MIAT: variants seen among roughly 807,000 people sequenced by gnomAD.
The protein encoded by MIAT is MI related novel mRNA.
At chr22:26,667,096 C>A in intron 4 of MIAT, 1 of 243,868 alleles carries the variant, frequency 4.1e-6, no homozygotes, top group South Asian at 1.8e-4. Context: ...AATGCTTGCT[C>A]TGTGTGGTCT....
downstream of MIAT, chr22:26,671,677 C>A (rs183206398): frequency 5.0e-6 from 2 of 398,612 alleles, no homozygotes; most frequent in Middle Eastern, 6.3e-4. Context: ...ATAAGACTCA[C>A]CAACTCTGCC....
At chr22:26,664,062 A>C (rs1930763791) in intron 3 of MIAT, among the ~76,000 whole-genome samples, 1 of 141,812 alleles carries the variant, frequency 7.1e-6, no homozygotes, top group Admixed American at 7.5e-5. Flanking sequence ...TTTGGGCTGC[A>C]GTGCAGTGGA....
chr22:26,654,723 T>A (rs28545452), intron 2 of MIAT, among the ~76,000 whole-genome samples: 5 of 151,688 alleles, frequency 3.3e-5, no homozygotes, highest in African/African-American at 7.3e-5. Context: ...TATTTTTAAA[T>A]TTTTTTTGAG....
chr22:26,665,832 G>T (rs1438286549), exon 4 of MIAT: 7 of 398,580 alleles, frequency 1.8e-5, no homozygotes, highest in Middle Eastern at 6.3e-4. Context: ...TTGGCGTTAG[G>T]GCTAGTATTT....
intron 2 of MIAT, among the ~76,000 whole-genome samples, chr22:26,652,613 C>T (rs1930355604): frequency 6.6e-6 from 1 of 152,114 alleles, no homozygotes; most frequent in South Asian, 2.1e-4. Flanking sequence ...CCCTCGGCCT[C>T]CCAAAGTGCT....
At chr22:26,649,378 G>A (rs1029864261) in intron 2 of MIAT, among the ~76,000 whole-genome samples, 16 of 152,236 alleles carry the variant, frequency 1.1e-4, no homozygotes, top group African/African-American at 7.2e-5. Context: ...GTGGCAAAGA[G>A]CCTGGCAGTC....
At chr22:26,657,985 C>A (rs1290808310) in intron 2 of MIAT, among the ~76,000 whole-genome samples, 1 of 146,208 alleles carries the variant, frequency 6.8e-6, no homozygotes, top group Non-Finnish European at 1.5e-5. Context: ...ACACAAGACA[C>A]AATTTGGGAG....
chr22:26,657,414 T>C (rs8142890), intron 2 of MIAT: 329,796 of 391,446 alleles, frequency 0.84, 138,337 homozygotes, highest in South Asian at 0.93. Flanking sequence ...AGGGTGGAGG[T>C]GAGGGCCGGG....
At chr22:26,651,729 G>A (rs1351170717) in intron 2 of MIAT, among the ~76,000 whole-genome samples, 3 of 152,228 alleles carry the variant, frequency 2.0e-5, no homozygotes, top group South Asian at 2.1e-4. Flanking sequence ...ATAAAGTGCT[G>A]AGCCATGCTA....
At chr22:26,655,004 G>A (rs117000644) in intron 2 of MIAT, among the ~76,000 whole-genome samples, 11,140 of 152,190 alleles carry the variant, frequency 0.073, 497 homozygotes, top group South Asian at 0.13. Context: ...GAGCTGCTGC[G>A]CCCGGCCAAA....
exon 6 of MIAT, chr22:26,668,739 T>A: frequency 2.5e-6 from 1 of 399,232 alleles, no homozygotes; most frequent in Non-Finnish European, 4.4e-6. Context: ...TGTCATTTTG[T>A]GGGGGACTTC....
chr22:26,655,648 C>T (rs1930416294), intron 2 of MIAT, among the ~76,000 whole-genome samples: 1 of 152,156 alleles, frequency 6.6e-6, no homozygotes, highest in Non-Finnish European at 1.5e-5. Context: ...TGGTCAGAGG[C>T]ATGGGCAGAA....
intron 2 of MIAT, among the ~76,000 whole-genome samples, chr22:26,649,839 G>T (rs1276569283): frequency 6.6e-6 from 1 of 152,230 alleles, no homozygotes; most frequent in African/African-American, 2.4e-5. Context: ...CTTGAACCTG[G>T]GAGGCAGAGC....
intron 2 of MIAT, among the ~76,000 whole-genome samples, chr22:26,656,477 A>G (rs1405962308): frequency 6.7e-6 from 1 of 149,702 alleles, no homozygotes; most frequent in Admixed American, 6.7e-5. Flanking sequence ...GGCACCCGCC[A>G]CCACACCCGG....
chr22:26,657,453 C>T (rs1930501171), intron 2 of MIAT: 5 of 398,690 alleles, frequency 1.3e-5, no homozygotes, highest in Middle Eastern at 6.3e-4. Context: ...GCCAGCCGCT[C>T]CCGCATTAAA....
chr22:26,648,193 G>A (rs995024577), intron 2 of MIAT, among the ~76,000 whole-genome samples: 3 of 152,204 alleles, frequency 2.0e-5, no homozygotes, highest in Admixed American at 2.0e-4. Context: ...CCAGGCTGCA[G>A]CACCTGCTGG....
chr22:26,675,607 G>T, exon 5 of MIAT: 1 of 398,644 alleles, frequency 2.5e-6, no homozygotes, highest in South Asian at 1.3e-4. Flanking sequence ...TCTCTGCAAT[G>T]ACTGGAAAGT....
downstream of MIAT, chr22:26,670,661 A>C (rs1373971862): frequency 1.0e-5 from 4 of 397,688 alleles, no homozygotes; most frequent in East Asian, 7.1e-5. Flanking sequence ...GCACTACTGA[A>C]GTAGTGCAGG....
intron 2 of MIAT, among the ~76,000 whole-genome samples, chr22:26,659,630 GA>G (rs1930585346): frequency 6.6e-6 from 1 of 151,698 alleles, no homozygotes; most frequent in Admixed American, 6.6e-5. Context: ...TTGAACCCAG[GA>G]GTTCAAGCCA....
Sources: allele counts gnomAD v4.1 joint callset (sites outside exome capture counted in the v4.1 genomes callset), GRCh38; gene constraint gnomAD v4.1.1; transcripts MANE v1.5; gene names NCBI Gene and HGNC (gene_info 2026-07-23, HGNC 2026-07-21).